The following CA10 variants were observed in gnomAD, a reference collection of about 807,000 sequenced individuals.
CA10 encodes the protein carbonic anhydrase 10 (inactive).
CA10 carries 14 observed loss-of-function variants against 44.2 expected under a neutral mutation model. The observed-to-expected ratio is 0.32, with a 90% CI of 0.21 to 0.50. The LOEUF is 0.50. Ranked by LOEUF, CA10 falls within the 20% of genes least tolerant of loss-of-function variation. CA10 has a pLI of 0.99. For missense variants in CA10, 350 were observed against 409.7 expected (o/e 0.85, Z 1.26); for synonymous variants, 159 against 141.6 (o/e 1.12, Z -0.87).
intron 3 of CA10, among the ~76,000 whole-genome samples, chr17:51,787,529 C>T (rs1906338699): frequency 6.6e-6 from 1 of 150,912 alleles, no homozygotes; most frequent in African/African-American, 2.4e-5. Flanking sequence ...TCCTCTCTGT[C>T]ACCCAGGCTT....
chr17:52,024,658 A>G (rs1986245258), intron 2 of CA10, among the ~76,000 whole-genome samples: 1 of 152,116 alleles, frequency 6.6e-6, no homozygotes, highest in South Asian at 2.1e-4. Context: ...TTCCTCATCC[A>G]CAGATGATAC....
At chr17:51,640,139 A>G (rs1013039809) in intron 6 of CA10, among the ~76,000 whole-genome samples, 2 of 152,194 alleles carry the variant, frequency 1.3e-5, no homozygotes, top group African/African-American at 4.8e-5. Context: ...AAGGGTTTGC[A>G]TCTTGTATCT....
chr17:51,876,960 C>T (rs565718670), intron 3 of CA10, among the ~76,000 whole-genome samples: 3 of 152,260 alleles, frequency 2.0e-5, no homozygotes, highest in Admixed American at 6.5e-5. Flanking sequence ...GGAACGACAC[C>T]GTGGCAAATA....
intron 4 of CA10, among the ~76,000 whole-genome samples, chr17:51,714,516 A>G (rs1052692828): frequency 6.6e-6 from 1 of 152,126 alleles, no homozygotes; most frequent in Non-Finnish European, 1.5e-5. Context: ...GGTCCTCATC[A>G]CTATGGTTAT....
At chr17:51,662,416 G>A (rs1022616069) in intron 4 of CA10, among the ~76,000 whole-genome samples, 1 of 152,186 alleles carries the variant, frequency 6.6e-6, no homozygotes, top group Non-Finnish European at 1.5e-5. Context: ...CACCTCTTCT[G>A]AGGTCACACA....
chr17:51,719,960 TG>T (rs1916300013), intron 4 of CA10, among the ~76,000 whole-genome samples: 1 of 152,212 alleles, frequency 6.6e-6, no homozygotes. Context: ...CCAGATAGGC[TG>T]GAGTTTGGTG....
At chr17:51,766,190 C>T (rs1053010999) in intron 3 of CA10, among the ~76,000 whole-genome samples, 2 of 152,176 alleles carry the variant, frequency 1.3e-5, no homozygotes, top group African/African-American at 4.8e-5. Context: ...AAGGTAGACC[C>T]TCTAAGAGCA....
At chr17:52,021,575 C>G (rs1986141244) in intron 2 of CA10, among the ~76,000 whole-genome samples, 1 of 151,618 alleles carries the variant, frequency 6.6e-6, no homozygotes, top group Non-Finnish European at 1.5e-5. Context: ...GTCTTCTTTT[C>G]AGAACTGAAC....
At chr17:51,747,563 C>A in intron 4 of CA10, 70 bp downstream of exon 4, 4 of 1,284,244 alleles carry the variant, frequency 3.1e-6, no homozygotes, top group Non-Finnish European at 3.3e-6. Flanking sequence ...GTTATCCCAT[C>A]TTGGACACAA....
At chr17:52,100,498 A>G (rs1360782859) in intron 1 of CA10, among the ~76,000 whole-genome samples, 4 of 152,232 alleles carry the variant, frequency 2.6e-5, no homozygotes, top group Non-Finnish European at 5.9e-5. Flanking sequence ...AGTGAAAACA[A>G]AAACAAAAGC....
chr17:52,052,327 C>T (rs1219007174), intron 2 of CA10, among the ~76,000 whole-genome samples: 1 of 147,482 alleles, frequency 6.8e-6, no homozygotes, highest in Non-Finnish European at 1.5e-5. Context: ...GACAGGCATT[C>T]ACCAACCCTG....
At chr17:52,080,277 C>T (rs1010700901) in intron 1 of CA10, among the ~76,000 whole-genome samples, 3 of 151,898 alleles carry the variant, frequency 2.0e-5, no homozygotes, top group African/African-American at 7.3e-5. Flanking sequence ...ACGGCAAAAC[C>T]CCGTCTCTAC....
intron 3 of CA10, among the ~76,000 whole-genome samples, chr17:51,886,633 C>T (rs1350415194): frequency 6.6e-6 from 1 of 152,152 alleles, no homozygotes; most frequent in Admixed American, 6.5e-5. Context: ...CTAACGGATG[C>T]CCAGATAACA....
At chr17:51,668,992 C>T (rs551768775) in intron 4 of CA10, among the ~76,000 whole-genome samples, 9 of 152,340 alleles carry the variant, frequency 5.9e-5, no homozygotes, top group Non-Finnish European at 1.2e-4. Flanking sequence ...CTCGCTGGGC[C>T]TCAGCCACTT....
intron 2 of CA10, among the ~76,000 whole-genome samples, chr17:52,048,227 A>T (rs764479581): frequency 1.4e-4 from 21 of 151,986 alleles, no homozygotes; most frequent in Admixed American, 2.0e-4. Flanking sequence ...GAAAAGATGT[A>T]ATAAATCACT....
intron 3 of CA10, among the ~76,000 whole-genome samples, chr17:51,846,246 G>A (rs1978487605): frequency 6.6e-6 from 1 of 152,244 alleles, no homozygotes; most frequent in African/African-American, 2.4e-5. Flanking sequence ...CACCTTCCAG[G>A]TGACAACTGC....
At chr17:51,882,898 T>G (rs1980438911) in intron 3 of CA10, among the ~76,000 whole-genome samples, 1 of 152,262 alleles carries the variant, frequency 6.6e-6, no homozygotes, top group Non-Finnish European at 1.5e-5. Flanking sequence ...AGTAATAGTT[T>G]GGCACTTCTC....
intron 4 of CA10, among the ~76,000 whole-genome samples, chr17:51,710,944 T>TG (rs920294556): frequency 2.5e-5 from 2 of 81,486 alleles, no homozygotes; most frequent in African/African-American, 9.9e-5. Flanking sequence ...TTTTTTTTTT[T>TG]GCTTCACTGA....
chr17:51,995,511 A>G (rs908749995), intron 2 of CA10, among the ~76,000 whole-genome samples: 7 of 152,114 alleles, frequency 4.6e-5, no homozygotes, highest in African/African-American at 1.4e-4. Flanking sequence ...GAAAATTTTA[A>G]AAACCTCATC....
Sources: allele counts gnomAD v4.1 joint callset (sites outside exome capture counted in the v4.1 genomes callset), GRCh38; gene constraint gnomAD v4.1.1; transcripts MANE v1.5; gene names NCBI Gene and HGNC (gene_info 2026-07-23, HGNC 2026-07-21).